The following OR8H1 variants were observed in gnomAD, a reference collection of about 807,000 sequenced individuals.
OR8H1 encodes olfactory receptor 8H1.
For synonymous variants in OR8H1, 135 were observed against 134.5 expected (o/e 1.00, Z -0.03); for missense variants, 388 against 374.1 (o/e 1.04, Z -0.31).
Position 56,288,666 on chromosome 11 carries a change from T to C in OR8H1, c.*1461A>G, listed in dbSNP as rs1854098249. 2 of 152,090 alleles carry C rather than the reference T, an allele frequency of 1.3e-5. No homozygotes were observed. The highest frequency in any genetic ancestry group is 4.8e-5 in the African/African-American group (2 of 41,442). 9.4% of individuals were successfully genotyped at this position (152,090 alleles called of 1,614,324 possible). A position where few individuals can be genotyped will look rare whatever the true frequency, so the allele number is the denominator to read the frequency against. On this transcript the variant is annotated 3_prime_UTR_variant, in exon 2 of 2. Coordinates refer to ENST00000641600, the MANE Select transcript of OR8H1 (RefSeq NM_001005199.2). ...TGCCTATGTACCAAGAAAAAATTTA[T>C]ATTAGCGTTGTCAATGACAAAGAGA...
In OR8H1 at chr11:56,288,610, G is replaced by A. The variant is rs145545343; in HGVS notation, c.*1517C>T. On this transcript the variant is annotated 3_prime_UTR_variant, in exon 2 of 2. Transcript: ENST00000641600. The stretch of plus-strand genomic sequence containing the variant: ...TTAATGTGGTGAGTTAATATTTCAA[G>A]TCCAAAACATTGTGAAATGAGTCTT... 569 of 152,102 alleles carry A rather than the reference G, an allele frequency of 3.7e-3. 4 individuals carry two copies. The highest frequency in any genetic ancestry group is 0.013 in the African/African-American group (524 of 41,514). 9.4% of individuals were successfully genotyped at this position (152,102 alleles called of 1,614,324 possible). A position where few individuals can be genotyped will look rare whatever the true frequency, so the allele number is the denominator to read the frequency against.
intron 1 of OR8H1, among the ~76,000 whole-genome samples, chr11:56,291,731 A>G (rs1344771904): frequency 6.6e-6 from 1 of 152,162 alleles, no homozygotes; most frequent in Non-Finnish European, 1.5e-5. Context: ...TGTTTTAGTA[A>G]CTTAACCAAT....
rs1226556452 is a variant in OR8H1 at position 56,289,435 on chromosome 11, T to G, written c.*692A>C. The G allele has an allele frequency of 6.6e-6, 1 of 152,302 alleles. No individual in the cohort carries two copies. Among genetic ancestry groups the G allele is most frequent in the Non-Finnish European group, 1.5e-5 (1 of 68,126 alleles). The allele number at this position is 152,302 out of a possible 1,614,324, so 9.4% of individuals were successfully genotyped here. A position where few individuals can be genotyped will look rare whatever the true frequency, so the allele number is the denominator to read the frequency against. The stretch of plus-strand genomic sequence containing the variant: ...AATGAAATAACTTCTGAGACTGTTA[T>G]CACTGTGCCCCAAATCGTTGTTTTC... On this transcript the variant is annotated 3_prime_UTR_variant, in exon 2 of 2. Coordinates refer to ENST00000641600, the MANE Select transcript of OR8H1 (RefSeq NM_001005199.2).
At chr11:56,291,147 C>T (rs1854147846) in intron 1 of OR8H1, 63 bp from the exon 2 acceptor site, 8 of 939,358 alleles carry the variant, frequency 8.5e-6, no homozygotes, top group South Asian at 5.1e-5. Context: ...TATACAATAA[C>T]CTAGCATTTA....
At position 56,289,764 on chromosome 11, in the gene OR8H1, G is replaced by A; in HGVS notation, c.*363C>T. On this transcript the variant is annotated 3_prime_UTR_variant, in exon 2 of 2. Coordinates refer to ENST00000641600, the MANE Select transcript of OR8H1 (RefSeq NM_001005199.2). ...AGCCCCGCAAGTAGCTGGGATTACA[G>A]GCATGCACCACCACACCCAGCTAAT... 4.1e-6 allele frequency: 1 copy of A among 243,278 alleles called. No individual in the cohort carries two copies. Among genetic ancestry groups the A allele is most frequent in the Non-Finnish European group, 8.1e-6 (1 of 123,504 alleles). The allele number at this position is 243,278 out of a possible 1,614,324, so 15.1% of individuals were successfully genotyped here.
At position 56,290,197 on chromosome 11, in the gene OR8H1, T is replaced by C. The variant is rs753881969; in HGVS notation, c.866A>G (p.Tyr289Cys). 2.5e-6 allele frequency: 4 copies of C among 1,611,970 alleles called. No individual in the cohort carries two copies. Among genetic ancestry groups the C allele is most frequent in the Middle Eastern group, 1.7e-4 (1 of 6,040 alleles). ...TTTAACTTCTTTGTTTCTAAGACTA[T>C]AAATGAGTGGATTCAGCATGGGAAT... Reference protein sequence around the residue: ...IVIPMLNPLIYSLRNKEVKNA... With the variant: ...IVIPMLNPLICSLRNKEVKNA... Residue 289 changes from tyrosine (Y) to cysteine (C), a missense_variant, in exon 2 of 2, where the codon TAT becomes TGT. Coordinates refer to ENST00000641600, the MANE Select transcript of OR8H1 (RefSeq NM_001005199.2).
rs760859882 is a variant in OR8H1 at position 56,290,697 on chromosome 11, G to A, written c.366C>T (p.Tyr122=). 21 of 1,613,912 alleles carry A rather than the reference G, an allele frequency of 1.3e-5. No individual in the cohort carries two copies. Among genetic ancestry groups the A allele is most frequent in the Non-Finnish European group, 1.7e-5 (20 of 1,179,992 alleles). Residue 122 remains tyrosine (Y), a synonymous_variant, in exon 2 of 2, where the codon TAC becomes TAT. Coordinates refer to ENST00000641600, the MANE Select transcript of OR8H1 (RefSeq NM_001005199.2). ...AACGTAGAGGACTGCAGATAGCTAC[G>A]TAGCGATCATAGGCCATTGATGAGA... The part of the protein sequence containing the change: ...FLLSSMAYDR[Y]VAICSPLRYP...
At position 56,288,830 on chromosome 11, in the gene OR8H1, T is replaced by C. The variant is rs1854100243; in HGVS notation, c.*1297A>G. The C allele has an allele frequency of 6.6e-6, 1 of 152,088 alleles. No individual in the cohort carries two copies. Among genetic ancestry groups the C allele is most frequent in the East Asian group, 1.9e-4 (1 of 5,200 alleles). 9.4% of individuals were successfully genotyped at this position (152,088 alleles called of 1,614,324 possible). On this transcript the variant is annotated 3_prime_UTR_variant, in exon 2 of 2. Transcript: ENST00000641600. The stretch of plus-strand genomic sequence containing the variant: ...GAAGAACATGCACAAAACTCGATAT[T>C]TGTTTTTCTTAAACTGAAAACAAGT...
rs779330490 is a variant in OR8H1, at chr11:56,290,338, G to C, written c.725C>G (p.Ser242Cys). 2 of 1,614,024 alleles carry C rather than the reference G, an allele frequency of 1.2e-6. No individual in the cohort carries two copies. The highest frequency in any genetic ancestry group is 1.3e-5 in the African/African-American group (1 of 74,924). ...AAAGATGGTGACTCCCAAGAGATGAGAGGCACAAGTAGACAAAGCTTTCTG... is the reference window on the plus strand; with the variant it reads ...AAAGATGGTGACTCCCAAGAGATGACAGGCACAAGTAGACAAAGCTTTCTG... Reference protein sequence around the residue: ...GKQKALSTCASHLLGVTIFYG... With the variant: ...GKQKALSTCACHLLGVTIFYG... The change falls in exon 2 of 2, where the codon TCT becomes TGT. Residue 242 changes from serine to cysteine, a missense_variant. Coordinates refer to ENST00000641600, the MANE Select transcript of OR8H1 (RefSeq NM_001005199.2).
chr11:56,289,857 T>C lies in OR8H1; in HGVS notation c.*270A>G. Reference sequence around the variant, plus strand: ...CTGGTCTTGAACTTCTGACCTCATGTGATCCACCCACCTCGGCCTCCCAGA... The same window carrying C: ...CTGGTCTTGAACTTCTGACCTCATGCGATCCACCCACCTCGGCCTCCCAGA... On this transcript the variant is annotated 3_prime_UTR_variant, in exon 2 of 2. Coordinates refer to ENST00000641600, the MANE Select transcript of OR8H1 (RefSeq NM_001005199.2). The C allele has an allele frequency of 2.2e-6, 1 of 459,508 alleles. No homozygotes were observed. The highest frequency in any genetic ancestry group is 4.0e-6 in the Non-Finnish European group (1 of 252,852). 28.5% of individuals were successfully genotyped at this position (459,508 alleles called of 1,614,324 possible).
intron 1 of OR8H1, 103 bp from the exon 2 acceptor site, chr11:56,291,187 T>C (rs2134837493): frequency 1.4e-6 from 1 of 692,562 alleles, no homozygotes; most frequent in Non-Finnish European, 2.4e-6. Flanking sequence ...AAATTGCTAA[T>C]ACATTTATAG....
rs1332976290 is a variant in OR8H1, at chr11:56,288,841, A to C, written c.*1286T>G. ...ACAAAACTCGATATTTGTTTTTCTT[A>C]AACTGAAAACAAGTTTATTAGAAAA... is the stretch of plus-strand genomic sequence containing the variant. On this transcript the variant is annotated 3_prime_UTR_variant, in exon 2 of 2. Coordinates refer to ENST00000641600, the MANE Select transcript of OR8H1 (RefSeq NM_001005199.2). 3 of 152,114 alleles carry C rather than the reference A, an allele frequency of 2.0e-5. No individual in the cohort carries two copies. The highest frequency in any genetic ancestry group is 7.2e-5 in the African/African-American group (3 of 41,458). The allele number at this position is 152,114 out of a possible 1,614,324, so 9.4% of individuals were successfully genotyped here.
rs1289867440 is a variant in OR8H1 at position 56,290,243 on chromosome 11, A to G, written c.820T>C (p.Ser274Pro). 1 of 1,612,940 alleles carries G rather than the reference A, an allele frequency of 6.2e-7. No homozygotes were observed. The highest frequency in any genetic ancestry group is 2.2e-5 in the East Asian group (1 of 44,876). Residue 274 changes from serine (S) to proline (P), a missense_variant, in exon 2 of 2, where the codon TCT becomes CCT. Transcript: ENST00000641600. ...SYSLGRDQVA[S>P]VFYTIVIPML... ...GGAATCACAATAGTATAAAAAACAG[A>G]AGCCACTTGATCCCTTCCCAAAGAA...
In OR8H1 at chr11:56,290,064, G is replaced by A; in HGVS notation, c.*63C>T. On this transcript the variant is annotated 3_prime_UTR_variant, in exon 2 of 2. Transcript: ENST00000641600. ...CAATTGTTTTTATAGGGAGACCAAGGACATACCAAATAGAAAAGAAAGAAA... is the reference window on the plus strand; with the variant it reads ...CAATTGTTTTTATAGGGAGACCAAGAACATACCAAATAGAAAAGAAAGAAA... The A allele has an allele frequency of 6.2e-6, 8 of 1,290,832 alleles. No homozygotes were observed. Among genetic ancestry groups the A allele is most frequent in the Non-Finnish European group, 9.0e-6 (8 of 885,678 alleles). The allele number at this position is 1,290,832 out of a possible 1,614,324, so 80.0% of individuals were successfully genotyped here. A position where few individuals can be genotyped will look rare whatever the true frequency, so the allele number is the denominator to read the frequency against.
Position 56,289,010 on chromosome 11 carries a change from C to T in OR8H1, c.*1117G>A, listed in dbSNP as rs1481983870. ...CTATTTTATTATAACTTAATTTTATCAAAATATTTTATTTCCTAAAGTCCA... is the reference window on the plus strand; with the variant it reads ...CTATTTTATTATAACTTAATTTTATTAAAATATTTTATTTCCTAAAGTCCA... On this transcript the variant is annotated 3_prime_UTR_variant, in exon 2 of 2. Coordinates refer to ENST00000641600, the MANE Select transcript of OR8H1 (RefSeq NM_001005199.2). 2 of 151,868 alleles carry T rather than the reference C, an allele frequency of 1.3e-5. No homozygotes were observed. Among genetic ancestry groups the T allele is most frequent in the African/African-American group, 4.8e-5 (2 of 41,396 alleles). 9.4% of individuals were successfully genotyped at this position (151,868 alleles called of 1,614,324 possible).
chr11:56,292,035 A>G lies in OR8H1; in HGVS notation c.-107T>C, dbSNP rs142374695. On this transcript the variant is annotated 5_prime_UTR_variant, in exon 1 of 2. Transcript: ENST00000641600. ...GTCAACCTCAATTTTTCTTATAAATAAAATATGAAAACCATTTAAGGAGAT... is the reference window on the plus strand; with the variant it reads ...GTCAACCTCAATTTTTCTTATAAATGAAATATGAAAACCATTTAAGGAGAT... The G allele has an allele frequency of 2.6e-5, 4 of 152,344 alleles. No homozygotes were observed. In the East Asian group the frequency reaches 7.7e-4, roughly 29 times the overall value. The allele number at this position is 152,344 out of a possible 1,614,324, so 9.4% of individuals were successfully genotyped here.
rs1323894895 is a variant in OR8H1 at position 56,292,020 on chromosome 11, A to T, written c.-92T>A. Reference sequence around the variant, plus strand: ...TCTGTCTAGAAATTTGTCAACCTCAATTTTTCTTATAAATAAAATATGAAA... The same window carrying T: ...TCTGTCTAGAAATTTGTCAACCTCATTTTTTCTTATAAATAAAATATGAAA... On this transcript the variant is annotated 5_prime_UTR_variant, in exon 1 of 2. In the 5' UTR this introduces an upstream ATG that the reference lacks. Transcript: ENST00000641600. 1.3e-5 allele frequency: 2 copies of T among 152,086 alleles called. No homozygotes were observed. The highest frequency in any genetic ancestry group is 2.9e-5 in the Non-Finnish European group (2 of 67,998). The allele number at this position is 152,086 out of a possible 1,614,324, so 9.4% of individuals were successfully genotyped here.
rs1480277482 is a variant in OR8H1, at chr11:56,290,949, A to T, written c.114T>A (p.Thr38=). ...ATATCATCCCCACATTGCCCAGCAT[A>T]GTAATTAGGTATATCAGGAGAAATA... The part of the protein sequence containing the change: ...FILFLLIYLI[T]MLGNVGMILI... The change falls in exon 2 of 2, where the codon ACT becomes ACA. Residue 38 remains threonine (T), a synonymous_variant. Coordinates refer to ENST00000641600, the MANE Select transcript of OR8H1 (RefSeq NM_001005199.2). 6 of 1,614,070 alleles carry T rather than the reference A, an allele frequency of 3.7e-6. No homozygotes were observed. The highest frequency in any genetic ancestry group is 2.7e-5 in the African/African-American group (2 of 74,920).
At position 56,291,096 on chromosome 11, in the gene OR8H1, A is replaced by G. The variant is rs761275936; in HGVS notation, c.-22-12T>C. ...ATTGCTTTAAACTGCTGAGAAATCA[A>G]AGTTGATACTTAACATGAATGACTT... On this transcript the variant is annotated splice_polypyrimidine_tract_variant and intron_variant, in intron 1 of 1. Coordinates refer to ENST00000641600, the MANE Select transcript of OR8H1 (RefSeq NM_001005199.2). 7.0e-7 allele frequency: 1 copy of G among 1,427,856 alleles called. No individual in the cohort carries two copies. The highest frequency in any genetic ancestry group is 9.5e-7 in the Non-Finnish European group (1 of 1,050,440). The allele number at this position is 1,427,856 out of a possible 1,614,324, so 88.4% of individuals were successfully genotyped here.
Sources: allele counts gnomAD v4.1 joint callset (sites outside exome capture counted in the v4.1 genomes callset), GRCh38; gene constraint gnomAD v4.1.1; transcripts MANE v1.5; gene names NCBI Gene and HGNC (gene_info 2026-07-23, HGNC 2026-07-21).